LINGO2: variants seen among roughly 807,000 people sequenced by gnomAD.
LINGO2 encodes the protein leucine rich repeat and Ig domain containing 2, also known as leucine-rich repeat and immunoglobulin-like domain-containing nogo receptor-interacting protein 2.
Under a neutral mutation model 30.6 loss-of-function variants are expected in LINGO2, and 14 were observed. The ratio of observed to expected loss-of-function variants is 0.46; its 90% CI spans 0.30 to 0.72. The LOEUF is 0.72. Ranked by LOEUF, LINGO2 falls within the 30% of genes least tolerant of loss-of-function variation. The pLI, the probability that LINGO2 is intolerant of heterozygous loss-of-function variation, is 0.07. For synonymous variants in LINGO2, 317 were observed against 288.5 expected (o/e 1.10, Z -1.00); for missense variants, 729 against 751.7 (o/e 0.97, Z 0.35).
intron 3 of LINGO2, among the ~76,000 whole-genome samples, chr9:28,317,311 A>T (rs1004119074): frequency 6.6e-6 from 1 of 152,140 alleles, no homozygotes; most frequent in African/African-American, 2.4e-5. Flanking sequence ...TGTTTATCTC[A>T]GTTGGAGAGC....
At chr9:28,221,584 G>A (rs1820969494) in intron 4 of LINGO2, among the ~76,000 whole-genome samples, 1 of 152,110 alleles carries the variant, frequency 6.6e-6, no homozygotes, top group Admixed American at 6.5e-5. Context: ...TGGTAATAAA[G>A]GGAGATATTA....
chr9:28,188,481 A>G (rs4878209), intron 4 of LINGO2, among the ~76,000 whole-genome samples: 84,695 of 151,878 alleles, frequency 0.56, 24,002 homozygotes, highest in East Asian at 0.72. Flanking sequence ...GCCAGAGGGT[A>G]TGGGAAGACG....
In LINGO2 at chr9:28,326,241, G is replaced by A. The variant is rs111281130; in HGVS notation, c.-245-30875C>T. On this transcript the variant is annotated intron_variant, in intron 3 of 5. Coordinates refer to ENST00000379992, the Ensembl canonical transcript of LINGO2. ...ATGCTGGTCTGTAACTCCTGACCTCGTGATCTGCCCACCTTGGCCTCCCAA... is the reference window on the plus strand; with the variant it reads ...ATGCTGGTCTGTAACTCCTGACCTCATGATCTGCCCACCTTGGCCTCCCAA... Among the ~76,000 whole-genome samples, 94 of 152,246 alleles carry A rather than the reference G, an allele frequency of 6.2e-4. 1 individual carries two copies. Among genetic ancestry groups the A allele is most frequent in the Non-Finnish European group, 1.1e-3 (78 of 68,024 alleles).
At chr9:28,469,174 A>T (rs541908829) in intron 2 of LINGO2, among the ~76,000 whole-genome samples, 1 of 152,080 alleles carries the variant, frequency 6.6e-6, no homozygotes. Flanking sequence ...TTGAAAATTC[A>T]CTAGAGTTGT....
At chr9:28,300,042 T>A (rs10968473) in intron 3 of LINGO2, among the ~76,000 whole-genome samples, 4 of 148,782 alleles carry the variant, frequency 2.7e-5, no homozygotes, top group Non-Finnish European at 4.5e-5. Flanking sequence ...ACAAACAAAA[T>A]AACAGGATTT....
At chr9:28,580,159 T>A (rs1356130277) in intron 1 of LINGO2, among the ~76,000 whole-genome samples, 2 of 152,078 alleles carry the variant, frequency 1.3e-5, no homozygotes, top group African/African-American at 4.8e-5. Flanking sequence ...CCCTAGTAAT[T>A]GGAGAGATGG....
At chr9:28,864,457 C>A in the LINGO2 span, among the ~76,000 whole-genome samples, 1 of 152,008 alleles carries the variant, frequency 6.6e-6, no homozygotes, top group African/African-American at 2.4e-5. Flanking sequence ...TAACCAGAAT[C>A]CCACCTTTTA....
chr9:28,432,259 G>A (rs1823710017), intron 2 of LINGO2, among the ~76,000 whole-genome samples: 1 of 151,784 alleles, frequency 6.6e-6, no homozygotes, highest in Admixed American at 6.6e-5. Context: ...TTTAGTTATG[G>A]GTCAAACTTG....
the LINGO2 span, among the ~76,000 whole-genome samples, chr9:28,693,344 T>C: frequency 6.6e-5 from 10 of 152,162 alleles, no homozygotes; most frequent in Non-Finnish European, 1.3e-4. Context: ...CTTACCTCTG[T>C]AACTGATACT....
the LINGO2 span, among the ~76,000 whole-genome samples, chr9:28,907,599 G>T: frequency 4.0e-5 from 6 of 151,858 alleles, no homozygotes; most frequent in African/African-American, 1.4e-4. Context: ...CACTCTGAAA[G>T]AAATATACAA....
the LINGO2 span, among the ~76,000 whole-genome samples, chr9:28,789,999 T>C: frequency 6.6e-6 from 1 of 152,172 alleles, no homozygotes; most frequent in African/African-American, 2.4e-5. Context: ...GCCCATGGTT[T>C]AACTATCTGT....
In LINGO2 at chr9:28,557,642, A is replaced by G. The variant is rs200517398; in HGVS notation, c.-364-81617T>C. On this transcript the variant is annotated intron_variant, in intron 1 of 5. Coordinates refer to ENST00000379992, the Ensembl canonical transcript of LINGO2. Reference sequence around the variant, plus strand: ...TACCATTTGACCCAGCCATCCCATTACTGGGTATATACCCAAAGGACTATA... The same window carrying G: ...TACCATTTGACCCAGCCATCCCATTGCTGGGTATATACCCAAAGGACTATA... 7.4e-3 allele frequency among the ~76,000 whole-genome samples: 1,125 copies of G among 151,902 alleles called. 35 individuals carry two copies. In the East Asian group the frequency reaches 0.094, roughly 13 times the overall value.
intron 4 of LINGO2, among the ~76,000 whole-genome samples, chr9:28,213,041 G>T (rs1372596933): frequency 1.3e-5 from 2 of 151,414 alleles, no homozygotes; most frequent in Admixed American, 1.3e-4. Context: ...TTTTTTCATG[G>T]TCACTCTGAA....
At chr9:29,151,200 T>C in the LINGO2 span, among the ~76,000 whole-genome samples, 3 of 152,086 alleles carry the variant, frequency 2.0e-5, no homozygotes, top group African/African-American at 7.2e-5. Context: ...CTTTCTTGGA[T>C]AAGCAATCAG....
chr9:28,486,970 G>A (rs771107385), intron 1 of LINGO2, among the ~76,000 whole-genome samples: 1 of 151,980 alleles, frequency 6.6e-6, no homozygotes. Context: ...CAGAGACAGC[G>A]GGAGCAGTTC....
At chr9:28,789,869 C>T in the LINGO2 span, among the ~76,000 whole-genome samples, 1 of 152,110 alleles carries the variant, frequency 6.6e-6, no homozygotes, top group African/African-American at 2.4e-5. Flanking sequence ...TCCTTTTACT[C>T]GCAGTAATTA....
the LINGO2 span, among the ~76,000 whole-genome samples, chr9:29,012,784 T>C: frequency 6.6e-6 from 1 of 152,168 alleles, no homozygotes; most frequent in Non-Finnish European, 1.5e-5. Flanking sequence ...AACATCTACT[T>C]TTGCTTTTTG....
intron 2 of LINGO2, among the ~76,000 whole-genome samples, chr9:28,397,426 A>G (rs1822093756): frequency 2.0e-5 from 3 of 149,868 alleles, no homozygotes. Flanking sequence ...TAATTAACAC[A>G]TGTATTACCT....
At chr9:28,588,316 C>T (rs936573369) in intron 1 of LINGO2, among the ~76,000 whole-genome samples, 3 of 151,734 alleles carry the variant, frequency 2.0e-5, no homozygotes, top group African/African-American at 7.3e-5. Context: ...TAAAATTTTT[C>T]AAGGCTTTGT....
Sources: allele counts gnomAD v4.1 joint callset (sites outside exome capture counted in the v4.1 genomes callset), GRCh38; gene constraint gnomAD v4.1.1; transcripts MANE v1.5; gene names NCBI Gene and HGNC (gene_info 2026-07-23, HGNC 2026-07-21).